FBXO42: variants seen among roughly 807,000 people sequenced by gnomAD.
FBXO42 encodes F-box only protein 42.
A neutral mutation model predicts 71.7 loss-of-function variants in FBXO42; 12 were observed. The ratio of observed to expected loss-of-function variants is 0.17; its 90% CI spans 0.11 to 0.27. The LOEUF (loss-of-function observed/expected upper bound fraction) is 0.27. Among genes scored for constraint, FBXO42 ranks in the 10% least tolerant of loss-of-function variants. The pLI is 1.00. For missense variants in FBXO42, 707 were observed against 911.9 expected, an observed-to-expected ratio of 0.78 and a Z score of 2.89; for synonymous variants, 325 against 327.5, an observed-to-expected ratio of 0.99 and a Z score of 0.08.
At chr1:16,335,270 G>T (rs775138521) in intron 1 of FBXO42, among the ~76,000 whole-genome samples, 13 of 152,030 alleles carry the variant, frequency 8.6e-5, no homozygotes, top group Non-Finnish European at 1.6e-4. Flanking sequence ...TTCCCAAGAA[G>T]CTGGGACTCC....
At chr1:16,257,125 T>G (rs2081655094) in intron 4 of FBXO42, among the ~76,000 whole-genome samples, 1 of 152,144 alleles carries the variant, frequency 6.6e-6, no homozygotes, top group Non-Finnish European at 1.5e-5. Context: ...GCTCAACAAA[T>G]GAGCACCCCT....
At chr1:16,299,802 G>A (rs1159980729) in intron 3 of FBXO42, among the ~76,000 whole-genome samples, 1 of 151,914 alleles carries the variant, frequency 6.6e-6, no homozygotes, top group Non-Finnish European at 1.5e-5. Flanking sequence ...GCGCTACCAT[G>A]CCCAGCTAAT....
In FBXO42 at chr1:16,252,307, C is replaced by A. The variant is rs1424626325; in HGVS notation, c.1019G>T (p.Trp340Leu). Residue 340 changes from tryptophan (W) to leucine (L), a missense_variant, in exon 9 of 10, where the codon TGG (tryptophan) becomes TTG (leucine). Physicochemically the swap from Trp to Leu is moderately conservative, Grantham distance 61. Around this residue, in one of 5 missense-constraint regions of FBXO42, gnomAD observed 482 missense variants for 587.1 expected, o/e 0.82. Coordinates refer to ENST00000375592, the MANE Select transcript of FBXO42 (RefSeq NM_018994.3). This position sits in a 1 kb window ranked among gnomAD's most constrained non-coding sequence, Gnocchi z 4.4. The stretch of plus-strand genomic sequence containing the variant: ...GCTTACCCGGCAAGCTGGATGGCAC[C>A]ACAGTTCTGGGGCCCCATGCTCTTC... ...ENEEHGAPELWCHPACRVGQC... is the reference protein window; with the variant it reads ...ENEEHGAPELLCHPACRVGQC... 1 of 1,614,164 alleles carries A rather than the reference C, an allele frequency of 6.2e-7. No homozygotes were observed. Among genetic ancestry groups the A allele is most frequent in the Non-Finnish European group, 8.5e-7 (1 of 1,179,980 alleles).
chr1:16,350,526 A>C (rs2100652634), intron 1 of FBXO42, among the ~76,000 whole-genome samples: 1 of 86,698 alleles, frequency 1.2e-5, no homozygotes, highest in Non-Finnish European at 2.4e-5. Flanking sequence ...CAGGAGTTTG[A>C]GATCAGCCTG....
chr1:16,339,275 A>G (rs142977548), intron 1 of FBXO42, among the ~76,000 whole-genome samples: 1 of 152,204 alleles, frequency 6.6e-6, no homozygotes, highest in Non-Finnish European at 1.5e-5. Context: ...ACCATTACTT[A>G]TCGACACAAT....
intron 1 of FBXO42, among the ~76,000 whole-genome samples, chr1:16,350,759 A>AGAAAGAAAGAAAGAAAGAAAGAAAGAC: frequency 7.5e-6 from 1 of 132,462 alleles, no homozygotes; most frequent in Non-Finnish European, 1.7e-5. Context: ...AAAAAAAAAA[A>AGAAAGAAAGAAAGAAAGAAAGAAAGAC]AGAAAGAAAG....
intron 1 of FBXO42, among the ~76,000 whole-genome samples, chr1:16,335,188 G>A (rs2082541287): frequency 6.6e-6 from 1 of 152,026 alleles, no homozygotes; most frequent in Non-Finnish European, 1.5e-5. Context: ...AGCGACTCAG[G>A]AGTCTGAGGT....
intron 4 of FBXO42, among the ~76,000 whole-genome samples, chr1:16,289,153 G>C (rs2082052896): frequency 6.6e-6 from 1 of 151,944 alleles, no homozygotes; most frequent in Non-Finnish European, 1.5e-5. Context: ...CCAGCACTTT[G>C]GGAGGCCAAG....
chr1:16,321,558 T>C lies in FBXO42; in HGVS notation c.-17-6123A>G, dbSNP rs773921092. ...AGCTTCCCCAACGTGACTGAATGAA[T>C]GTACTGGAATCTGAACTCCCTGGAG... On this transcript the variant is annotated intron_variant, in intron 1 of 9. Coordinates refer to ENST00000375592, the MANE Select transcript of FBXO42 (RefSeq NM_018994.3). 3.3e-5 allele frequency among the ~76,000 whole-genome samples: 5 copies of C among 152,192 alleles called. No homozygotes were observed. In the East Asian group the frequency reaches 9.6e-4, roughly 29 times the overall value.
At chr1:16,264,902 T>A (rs2081754592) in intron 4 of FBXO42, among the ~76,000 whole-genome samples, 1 of 152,218 alleles carries the variant, frequency 6.6e-6, no homozygotes, top group South Asian at 2.1e-4. Flanking sequence ...TTGTTTACGT[T>A]TGCAAAGAAG....
chr1:16,350,371 G>A (rs1217219860), intron 1 of FBXO42, among the ~76,000 whole-genome samples: 1 of 151,930 alleles, frequency 6.6e-6, no homozygotes, highest in Non-Finnish European at 1.5e-5. Context: ...CTACCACAGA[G>A]AAGCTGCTGG....
chr1:16,283,584 A>G (rs1191318757), intron 4 of FBXO42, among the ~76,000 whole-genome samples: 1 of 130,876 alleles, frequency 7.6e-6, no homozygotes, highest in African/African-American at 3.0e-5. Flanking sequence ...TGCAACCTCC[A>G]CCTCCCGGGT....
At chr1:16,319,835 T>C (rs2100586232) in intron 1 of FBXO42, among the ~76,000 whole-genome samples, 1 of 150,166 alleles carries the variant, frequency 6.7e-6, no homozygotes, top group East Asian at 2.0e-4. Flanking sequence ...CACTTGAACC[T>C]GGGAGGCAGA....
At chr1:16,297,229 C>G (rs1008146423) in intron 3 of FBXO42, among the ~76,000 whole-genome samples, 1 of 152,060 alleles carries the variant, frequency 6.6e-6, no homozygotes, top group African/African-American at 2.4e-5. Context: ...TAGGTGAGAG[C>G]CAATGCGCCC....
At chr1:16,261,939 C>T (rs543789622) in intron 4 of FBXO42, among the ~76,000 whole-genome samples, 11 of 152,196 alleles carry the variant, frequency 7.2e-5, no homozygotes, top group African/African-American at 2.4e-4. Context: ...GTCTCGATCT[C>T]CTGACCTTGT....
At chr1:16,253,017 C>A in intron 8 of FBXO42, 79 bp downstream of exon 8, 2 of 1,251,314 alleles carry the variant, frequency 1.6e-6, no homozygotes, top group Non-Finnish European at 2.3e-6. Context: ...CTTGTATACT[C>A]CTAGAAAAGA....
intron 1 of FBXO42, among the ~76,000 whole-genome samples, chr1:16,347,992 CAA>C (rs541561756): frequency 2.7e-4 from 18 of 67,720 alleles, no homozygotes; most frequent in South Asian, 5.9e-4. Context: ...GACTCCGTCT[CAA>C]AAAAAAAAAA....
At chr1:16,326,038 G>GTGTGTGTGTGTGTGTGTGTGTC (rs1441951943) in intron 1 of FBXO42, among the ~76,000 whole-genome samples, 15 of 146,950 alleles carry the variant, frequency 1.0e-4, no homozygotes, top group South Asian at 2.1e-4. Flanking sequence ...GTGTGTGTGT[G>GTGTGTGTGTGTGTGTGTGTGTC]TGTGTGTGTG....
chr1:16,285,817 T>C (rs2082016124), intron 4 of FBXO42, among the ~76,000 whole-genome samples: 1 of 152,180 alleles, frequency 6.6e-6, no homozygotes, highest in African/African-American at 2.4e-5. Flanking sequence ...AGTCCCCTGA[T>C]TTCCAAATGC....
Sources: gnomAD v4.1 joint callset for allele counts (sites outside exome capture counted in the v4.1 genomes callset) on GRCh38, gnomAD v4.1.1 for gene constraint, gnomAD v4.1.1 regional missense constraint, Gnocchi (gnomAD v3.1) non-coding constraint, MANE v1.5 for transcripts, NCBI Gene and HGNC (gene_info 2026-07-23, HGNC 2026-07-21) for gene names.